Variants in A1CF observed in about 807,000 individuals in gnomAD.
A1CF encodes the protein APOBEC-1 stimulating protein.
A1CF carries 48 observed loss-of-function variants against 68.9 expected under a neutral mutation model. The observed-to-expected ratio is 0.70, with a 90% CI of 0.55 to 0.89. The LOEUF (loss-of-function observed/expected upper bound fraction) is 0.89. A1CF is among the 40% of genes least tolerant of loss of function. The pLI, the probability that A1CF is intolerant of heterozygous loss-of-function variation, is 0.00. For missense variants in A1CF, 653 were observed against 718.9 expected (o/e 0.91, Z 1.05); for synonymous variants, 272 against 260.4 (o/e 1.04, Z -0.43).
chr10:50,820,938 A>G (rs1191653585), intron 7 of A1CF, among the ~76,000 whole-genome samples: 1 of 152,178 alleles, frequency 6.6e-6, no homozygotes, highest in Non-Finnish European at 1.5e-5. Flanking sequence ...TGTAATGTAA[A>G]AGATAGTACA....
At chr10:50,830,415 C>G (rs1839181940) in intron 6 of A1CF, among the ~76,000 whole-genome samples, 1 of 152,106 alleles carries the variant, frequency 6.6e-6, no homozygotes, top group South Asian at 2.1e-4. Context: ...CTCAGTATAG[C>G]TGTAAAATAC....
At chr10:50,829,645 A>C (rs1158006063) in intron 6 of A1CF, among the ~76,000 whole-genome samples, 1 of 152,228 alleles carries the variant, frequency 6.6e-6, no homozygotes, top group East Asian at 1.9e-4. Flanking sequence ...TCTGTGTTGC[A>C]TTTCAGGGGA....
intron 6 of A1CF, among the ~76,000 whole-genome samples, chr10:50,831,306 T>C (rs932707483): frequency 6.6e-6 from 1 of 151,980 alleles, no homozygotes; most frequent in Non-Finnish European, 1.5e-5. Context: ...AAACAATCAA[T>C]GGAGTGAAGA....
At chr10:50,820,465 A>G in intron 8 of A1CF, 87 bp downstream of exon 8, 1 of 1,119,528 alleles carries the variant, frequency 8.9e-7, no homozygotes, top group Non-Finnish European at 1.3e-6. Flanking sequence ...CTGGAGTGAG[A>G]CAGGCTTGCA....
At chr10:50,855,476 A>G (rs1453480037) in intron 3 of A1CF, among the ~76,000 whole-genome samples, 1 of 151,988 alleles carries the variant, frequency 6.6e-6, no homozygotes, top group Non-Finnish European at 1.5e-5. Flanking sequence ...TATGTATTAA[A>G]TACATACTAT....
At chr10:50,853,882 A>G (rs374232090) in intron 3 of A1CF, among the ~76,000 whole-genome samples, 8 of 151,806 alleles carry the variant, frequency 5.3e-5, no homozygotes, top group South Asian at 2.1e-4. Context: ...CATTTGGTTC[A>G]TGGGGCATAG....
intron 1 of A1CF, among the ~76,000 whole-genome samples, chr10:50,867,255 G>T (rs4534524): frequency 2.0e-5 from 3 of 151,868 alleles, no homozygotes; most frequent in African/African-American, 7.3e-5. Context: ...TAATGGCAAA[G>T]ATATGGAATC....
At chr10:50,840,204 T>C (rs993811339) in intron 5 of A1CF, among the ~76,000 whole-genome samples, 1 of 152,098 alleles carries the variant, frequency 6.6e-6, no homozygotes, top group Non-Finnish European at 1.5e-5. Context: ...TAAGGTGCAG[T>C]TCTCTTTCAG....
rs1377495888 is a variant in A1CF, at chr10:50,800,973, A to G, written c.*5756T>C. ...TTTTGGGATAGAAGTAACTCAACTCAAGGAAGAAAGAAACCAATAAATGCT... is the reference window on the plus strand; with the variant it reads ...TTTTGGGATAGAAGTAACTCAACTCGAGGAAGAAAGAAACCAATAAATGCT... On this transcript the variant is annotated 3_prime_UTR_variant, in exon 13 of 13. Transcript: ENST00000373997. 1.3e-5 allele frequency: 2 copies of G among 152,290 alleles called. No individual in the cohort carries two copies. Among genetic ancestry groups the G allele is most frequent in the East Asian group, 3.9e-4 (2 of 5,174 alleles). The allele number at this position is 152,290 out of a possible 1,614,324, so 9.4% of individuals were successfully genotyped here.
chr10:50,863,774 A>G lies in A1CF; in HGVS notation c.-46+259T>C, dbSNP rs144566587. ...GAATAGAAGTTGGTTAAGGGGTACA[A>G]AATACAGTGAGACAGAAGTTCTACT... is the stretch of plus-strand genomic sequence containing the variant. On this transcript the variant is annotated intron_variant, in intron 2 of 12. Transcript: ENST00000373997. Among the ~76,000 whole-genome samples, 852 of 152,290 alleles carry G rather than the reference A, an allele frequency of 5.6e-3. 6 individuals carry two copies. The highest frequency in any genetic ancestry group is 0.019 in the African/African-American group (794 of 41,576).
At chr10:50,867,126 G>A (rs1456927614) in intron 1 of A1CF, among the ~76,000 whole-genome samples, 2 of 151,734 alleles carry the variant, frequency 1.3e-5, no homozygotes, top group Admixed American at 1.3e-4. Context: ...TGAAAGCATA[G>A]CTTGGCAAAA....
chr10:50,848,940 G>T (rs529055183), intron 3 of A1CF, among the ~76,000 whole-genome samples: 27 of 152,224 alleles, frequency 1.8e-4, no homozygotes, highest in African/African-American at 6.5e-4. Context: ...AAGGCATGGA[G>T]GACATCACTC....
intron 3 of A1CF, among the ~76,000 whole-genome samples, chr10:50,853,247 T>C (rs1458085328): frequency 2.0e-5 from 3 of 152,194 alleles, no homozygotes; most frequent in Non-Finnish European, 4.4e-5. Flanking sequence ...GACACATTAA[T>C]GTCTTCACTA....
intron 12 of A1CF, among the ~76,000 whole-genome samples, chr10:50,807,199 G>T (rs1233997743): frequency 6.6e-6 from 1 of 152,116 alleles, no homozygotes; most frequent in Non-Finnish European, 1.5e-5. Context: ...GTTGATTAAA[G>T]CTTGTGATTT....
intron 7 of A1CF, among the ~76,000 whole-genome samples, chr10:50,826,551 A>C (rs1838947627): frequency 6.6e-6 from 1 of 152,198 alleles, no homozygotes; most frequent in Non-Finnish European, 1.5e-5. Context: ...AGCAAAGGAG[A>C]AATAAAATAC....
chr10:50,844,704 GA>G (rs34145097), intron 3 of A1CF, among the ~76,000 whole-genome samples: 217 of 152,134 alleles, frequency 1.4e-3, no homozygotes, highest in Middle Eastern at 0.01. Context: ...ACAAGTTGTG[GA>G]AAAAACACAG....
chr10:50,876,388 C>T (rs1841513577), intron 1 of A1CF, among the ~76,000 whole-genome samples: 1 of 152,204 alleles, frequency 6.6e-6, no homozygotes, highest in Non-Finnish European at 1.5e-5. Context: ...AACAGGAATA[C>T]TCATAAGTGC....
At chr10:50,826,665 G>A (rs976070572) in intron 7 of A1CF, among the ~76,000 whole-genome samples, 3 of 152,124 alleles carry the variant, frequency 2.0e-5, no homozygotes, top group South Asian at 2.1e-4. Flanking sequence ...CAGTACCAGC[G>A]ACTGCAAAAA....
intron 1 of A1CF, among the ~76,000 whole-genome samples, chr10:50,870,112 A>T (rs1841179862): frequency 6.6e-6 from 1 of 151,922 alleles, no homozygotes; most frequent in Non-Finnish European, 1.5e-5. Context: ...AAGAAGTATA[A>T]TTGGGATATC....
Sources: gnomAD v4.1 joint callset for allele counts (sites outside exome capture counted in the v4.1 genomes callset) on GRCh38, gnomAD v4.1.1 for gene constraint, MANE v1.5 for transcripts, NCBI Gene and HGNC (gene_info 2026-07-23, HGNC 2026-07-21) for gene names.